Variants in SAMD5 observed in about 807,000 individuals in gnomAD.
The protein encoded by SAMD5 is sterile alpha motif domain-containing protein 5.
Under a neutral mutation model 11.3 loss-of-function variants are expected in SAMD5, and 13 were observed. That is an observed-to-expected ratio of 1.15 (90% CI 0.75 to 1.83). The LOEUF is 1.83. Ranked by LOEUF, SAMD5 falls within the 40% of genes most tolerant of loss-of-function variation. The pLI is 0.00. For synonymous variants in SAMD5, 129 were observed against 111.3 expected (o/e 1.16, Z -1.00); for missense variants, 255 against 239.1 (o/e 1.07, Z -0.44).
chr6:147,516,585 T>C lies in SAMD5; in HGVS notation c.459+7198T>C, dbSNP rs746558063. Among the ~76,000 whole-genome samples the C allele has an allele frequency of 2.7e-4, 41 of 152,184 alleles. 1 individual carries two copies. Among genetic ancestry groups the C allele is most frequent in the Non-Finnish European group, 8.8e-5 (6 of 68,022 alleles). ...GCCACAAACTAGGTGTCTAAAACAA[T>C]AGAAATTTATTCTTTACAGTTCTGG... On this transcript the variant is annotated intron_variant, in intron 1 of 1. Coordinates refer to ENST00000367474, the MANE Select transcript of SAMD5 (RefSeq NM_001030060.3).
intron 1 of SAMD5, among the ~76,000 whole-genome samples, chr6:147,613,402 C>A (rs957665108): frequency 6.6e-6 from 1 of 151,914 alleles, no homozygotes; most frequent in Non-Finnish European, 1.5e-5. Context: ...TTCTGGCCCC[C>A]TTTCTGGCTA....
chr6:147,704,843 G>A (rs891412681), intron 1 of SAMD5, among the ~76,000 whole-genome samples: 1 of 152,310 alleles, frequency 6.6e-6, no homozygotes, highest in Admixed American at 6.5e-5. Flanking sequence ...GATTAGCTGA[G>A]TGAGCTCAGG....
At chr6:147,816,301 A>AAAAAAAAAAATATATATATAT in the SAMD5 span, among the ~76,000 whole-genome samples, 3 of 66,352 alleles carry the variant, frequency 4.5e-5, no homozygotes, top group African/African-American at 1.0e-4. Flanking sequence ...AAAAAAAAAA[A>AAAAAAAAAAATATATATATAT]ATATATATAT....
At chr6:147,675,454 G>A (rs1790849436) in intron 1 of SAMD5, among the ~76,000 whole-genome samples, 1 of 152,140 alleles carries the variant, frequency 6.6e-6, no homozygotes, top group Non-Finnish European at 1.5e-5. Flanking sequence ...CCCCAACAAC[G>A]TAATTGAAAC....
At position 147,568,351 on chromosome 6, in the gene SAMD5, TAAAA is replaced by T; in HGVS notation, c.*3899_*3902del. 1.0e-6 allele frequency: 1 copy of T among 985,084 alleles called. No homozygotes were observed. The highest frequency in any genetic ancestry group is 1.2e-6 in the Non-Finnish European group (1 of 829,742). The allele number at this position is 985,084 out of a possible 1,614,324, so 61.0% of individuals were successfully genotyped here. Reference sequence around the variant, plus strand: ...GTCTCTTGCACAGGGGGTTGAAAAATAAAAAAAGAAGTTAACATAATTAAAATGC... The same window carrying T: ...GTCTCTTGCACAGGGGGTTGAAAAATAAAGAAGTTAACATAATTAAAATGC... On this transcript the variant is annotated 3_prime_UTR_variant, in exon 2 of 2. Transcript: ENST00000367474.
chr6:147,528,046 A>G (rs1443591868), intron 1 of SAMD5, among the ~76,000 whole-genome samples: 1 of 152,046 alleles, frequency 6.6e-6, no homozygotes, highest in Non-Finnish European at 1.5e-5. Flanking sequence ...CTCACTGTAC[A>G]AGGGGGGATG....
intron 1 of SAMD5, among the ~76,000 whole-genome samples, chr6:147,638,057 A>G (rs1790256199): frequency 6.6e-6 from 1 of 152,120 alleles, no homozygotes; most frequent in Non-Finnish European, 1.5e-5. Context: ...GGTAATGGAG[A>G]CTACAGAGAA....
At position 147,565,567 on chromosome 6, in the gene SAMD5, T is replaced by C. The variant is rs1020450109; in HGVS notation, c.*1111T>C. The stretch of plus-strand genomic sequence containing the variant: ...TTCGCCTCCCAGGTTCAAGGAATTC[T>C]CCTGCCTCGGCCTCTTGGTAGCTGG... On this transcript the variant is annotated 3_prime_UTR_variant, in exon 2 of 2. Coordinates refer to ENST00000367474, the MANE Select transcript of SAMD5 (RefSeq NM_001030060.3). 7.6e-6 allele frequency: 4 copies of C among 526,248 alleles called. No individual in the cohort carries two copies. The highest frequency in any genetic ancestry group is 9.7e-6 in the Non-Finnish European group (4 of 411,130). The allele number at this position is 526,248 out of a possible 1,614,324, so 32.6% of individuals were successfully genotyped here.
chr6:147,792,459 T>C, the SAMD5 span, among the ~76,000 whole-genome samples: 1 of 152,192 alleles, frequency 6.6e-6, no homozygotes, highest in Admixed American at 6.5e-5. Flanking sequence ...AATGTTTAGC[T>C]AATATAGACG....
intron 1 of SAMD5, among the ~76,000 whole-genome samples, chr6:147,675,477 T>C (rs1370531483): frequency 6.6e-6 from 1 of 152,236 alleles, no homozygotes; most frequent in Non-Finnish European, 1.5e-5. Context: ...ATGTTCTAGA[T>C]ACTGTTTTAC....
intron 1 of SAMD5, among the ~76,000 whole-genome samples, chr6:147,642,919 G>C (rs1413058661): frequency 1.3e-5 from 2 of 152,142 alleles, no homozygotes; most frequent in East Asian, 3.9e-4. Context: ...CTGCACTGTT[G>C]TCACCCCAGA....
chr6:147,943,509 C>T, the SAMD5 span, among the ~76,000 whole-genome samples: 1 of 151,938 alleles, frequency 6.6e-6, no homozygotes, highest in South Asian at 2.1e-4. Flanking sequence ...GTATTTCATT[C>T]TGAGGGCTCC....
At chr6:147,914,550 G>C in the SAMD5 span, among the ~76,000 whole-genome samples, 2 of 152,170 alleles carry the variant, frequency 1.3e-5, no homozygotes, top group African/African-American at 4.8e-5. Context: ...ACTCGGAGTG[G>C]AAGAAGTGCT....
At chr6:147,821,394 A>G in the SAMD5 span, among the ~76,000 whole-genome samples, 1 of 152,224 alleles carries the variant, frequency 6.6e-6, no homozygotes, top group African/African-American at 2.4e-5. Context: ...GAAGAACCCC[A>G]GTGTCCTGCA....
the SAMD5 span, among the ~76,000 whole-genome samples, chr6:147,757,281 G>T: frequency 6.6e-6 from 1 of 152,116 alleles, no homozygotes; most frequent in South Asian, 2.1e-4. Flanking sequence ...AGTATTCAGG[G>T]TGCTACTATA....
the SAMD5 span, among the ~76,000 whole-genome samples, chr6:147,855,172 GC>G: frequency 6.6e-6 from 1 of 152,084 alleles, no homozygotes; most frequent in Admixed American, 6.6e-5. Context: ...CTTAAAATTT[GC>G]TCTAAAGATG....
intron 1 of SAMD5, among the ~76,000 whole-genome samples, chr6:147,609,107 C>G (rs1227148526): frequency 6.6e-6 from 1 of 152,140 alleles, no homozygotes; most frequent in South Asian, 2.1e-4. Flanking sequence ...TCCCCCACCC[C>G]TAATTCATAT....
chr6:147,572,228 AC>A (rs147575579), downstream of SAMD5, among the ~76,000 whole-genome samples: 9,496 of 152,118 alleles, frequency 0.062, 450 homozygotes, highest in African/African-American at 0.14. Context: ...ACCTGAAGGA[AC>A]CACTGTGGCT....
chr6:147,750,050 T>TA, the SAMD5 span, among the ~76,000 whole-genome samples: 1 of 152,188 alleles, frequency 6.6e-6, no homozygotes, highest in Non-Finnish European at 1.5e-5. Context: ...TTATATGATA[T>TA]AAAATATATC....
Sources: allele counts gnomAD v4.1 joint callset (sites outside exome capture counted in the v4.1 genomes callset), GRCh38; gene constraint gnomAD v4.1.1; transcripts MANE v1.5; gene names NCBI Gene and HGNC (gene_info 2026-07-23, HGNC 2026-07-21).